NDRG2: variants seen among roughly 807,000 people sequenced by gnomAD.
NDRG2 encodes the protein protein NDRG2.
A neutral mutation model predicts 58.2 loss-of-function variants in NDRG2; 34 were observed. The ratio of observed to expected loss-of-function variants is 0.58; its 90% CI spans 0.44 to 0.78. NDRG2 has a LOEUF of 0.78. NDRG2 is among the 30% of genes least tolerant of loss of function. The pLI is 0.00. For missense variants in NDRG2, 434 were observed against 471.2 expected (o/e 0.92, Z 0.73); for synonymous variants, 187 against 175.9 (o/e 1.06, Z -0.50).
chr14:21,047,687 A>T (rs1885255633), intron 1 of NDRG2, among the ~76,000 whole-genome samples: 1 of 152,210 alleles, frequency 6.6e-6, no homozygotes, highest in Admixed American at 6.5e-5. Context: ...AGCTTTGCCC[A>T]GTCTTGTGCA....
chr14:21,039,432 G>GCT (rs1323384360), intron 1 of NDRG2, among the ~76,000 whole-genome samples: 4 of 152,034 alleles, frequency 2.6e-5, no homozygotes, highest in East Asian at 1.9e-4. Context: ...TTCTGCTCTT[G>GCT]CTCTCTCTCT....
chr14:21,032,808 C>A, intron 1 of NDRG2: 1 of 384,834 alleles, frequency 2.6e-6, no homozygotes, highest in South Asian at 2.0e-5. Flanking sequence ...TAAATCACAA[C>A]AGAGTCAGAT....
intron 1 of NDRG2, among the ~76,000 whole-genome samples, chr14:21,059,434 T>C (rs1299067830): frequency 6.6e-6 from 1 of 152,190 alleles, no homozygotes; most frequent in East Asian, 1.9e-4. Flanking sequence ...TAGATTCAAT[T>C]TATATAAAAT....
chr14:21,061,955 A>C (rs1432667980), intron 1 of NDRG2, among the ~76,000 whole-genome samples: 1 of 152,260 alleles, frequency 6.6e-6, no homozygotes, highest in African/African-American at 2.4e-5. Context: ...TTATAAGGAC[A>C]TGGAATATAT....
chr14:21,051,955 G>A lies in NDRG2; in HGVS notation c.24+18873C>T, dbSNP rs568266580. Among the ~76,000 whole-genome samples, 3 of 152,360 alleles carry A rather than the reference G, an allele frequency of 2.0e-5. No homozygotes were observed. In the South Asian group the frequency reaches 6.2e-4, roughly 32 times the overall value. On this transcript the variant is annotated intron_variant, in intron 1 of 14. Transcript: ENST00000403829. Reference sequence around the variant, plus strand: ...ATCCTGAAAGAATGGGTCTTTGGGAGATAGTTGCTTATTCTCTGCTCCCCT... The same window carrying A: ...ATCCTGAAAGAATGGGTCTTTGGGAAATAGTTGCTTATTCTCTGCTCCCCT...
chr14:21,023,904 C>T, intron 1 of NDRG2, 126 bp downstream of exon 1: 1 of 926,154 alleles, frequency 1.1e-6, no homozygotes, highest in Non-Finnish European at 1.3e-6. Flanking sequence ...GCCTCCCTTC[C>T]TCCCAAGACC....
chr14:21,038,354 G>C (rs1306982995), intron 1 of NDRG2, among the ~76,000 whole-genome samples: 1 of 152,190 alleles, frequency 6.6e-6, no homozygotes, highest in African/African-American at 2.4e-5. Flanking sequence ...TGTGGGAATT[G>C]ACAGTCTAAG....
chr14:21,069,791 T>A (rs1886535032), intron 1 of NDRG2, among the ~76,000 whole-genome samples: 1 of 152,030 alleles, frequency 6.6e-6, no homozygotes, highest in Non-Finnish European at 1.5e-5. Context: ...GGCCTGAAGG[T>A]CTCATTTGAG....
At chr14:21,026,286 A>C (rs1348485758), upstream of NDRG2, among the ~76,000 whole-genome samples, 1 of 151,790 alleles carries the variant, frequency 6.6e-6, no homozygotes, top group Non-Finnish European at 1.5e-5. Flanking sequence ...ACCTGACTGA[A>C]TTTCTCCCCA....
chr14:21,037,714 A>C (rs554063410), intron 1 of NDRG2, among the ~76,000 whole-genome samples: 1 of 152,386 alleles, frequency 6.6e-6, no homozygotes, highest in Admixed American at 6.5e-5. Flanking sequence ...TAAAAAAATG[A>C]TAAACATCTG....
intron 1 of NDRG2, among the ~76,000 whole-genome samples, chr14:21,058,908 C>A (rs34646592): frequency 2.6e-5 from 4 of 151,756 alleles, no homozygotes; most frequent in African/African-American, 9.7e-5. Flanking sequence ...GCTCCAATTC[C>A]AAGGCCCTGA....
At chr14:21,017,908 AG>A in intron 15 of NDRG2, 78 bp downstream of exon 15, 1 of 1,611,864 alleles carries the variant, frequency 6.2e-7, no homozygotes, top group Non-Finnish European at 8.5e-7. Flanking sequence ...CGGTGAGTCC[AG>A]GCATTCACCT....
intron 1 of NDRG2, among the ~76,000 whole-genome samples, chr14:21,056,882 C>T (rs1057069520): frequency 2.6e-5 from 4 of 152,178 alleles, no homozygotes; most frequent in Non-Finnish European, 4.4e-5. Flanking sequence ...CAGCCCTGAC[C>T]CTCTATCCTT....
chr14:21,046,849 A>G (rs928414542), intron 1 of NDRG2: 27 of 152,220 alleles, frequency 1.8e-4, no homozygotes, highest in African/African-American at 6.3e-4. Context: ...AATCATAAGG[A>G]AGAAAAAAAT....
intron 1 of NDRG2, among the ~76,000 whole-genome samples, chr14:21,046,207 G>A (rs2139121633): frequency 6.6e-6 from 1 of 152,128 alleles, no homozygotes; most frequent in Admixed American, 6.5e-5. Flanking sequence ...TACTACTTGT[G>A]GTGTTTATTA....
chr14:21,023,126 T>A, intron 2 of NDRG2, 115 bp downstream of exon 2: 1 of 960,784 alleles, frequency 1.0e-6, no homozygotes, highest in Non-Finnish European at 1.6e-6. Context: ...ACTAGGGTAG[T>A]GGTGAAGCAG....
Position 21,031,268 on chromosome 14 carries a change from C to A in NDRG2, c.25-7947G>T, listed in dbSNP as rs75127364. On this transcript the variant is annotated intron_variant, in intron 1 of 14. Coordinates refer to the NDRG2 transcript ENST00000403829. ...AACTGTGTGACTGTAGAGACAGGGC[C>A]GAAACAGACTTTAGAGATCATCTAG... is the stretch of plus-strand genomic sequence containing the variant. 12,053 of 1,433,200 alleles carry A rather than the reference C, an allele frequency of 8.4e-3. 665 individuals are homozygous for A. The African/African-American group carries it at 0.13, about 16-fold the overall frequency. 88.8% of individuals were successfully genotyped at this position (1,433,200 alleles called of 1,614,324 possible).
At chr14:21,061,271 A>G (rs921613980) in intron 1 of NDRG2, among the ~76,000 whole-genome samples, 4 of 152,214 alleles carry the variant, frequency 2.6e-5, no homozygotes, top group Non-Finnish European at 2.9e-5. Flanking sequence ...ACCATTCAAT[A>G]TCTGTAAGAG....
intron 15 of NDRG2, 111 bp from the exon 16 acceptor site, chr14:21,017,873 T>C: frequency 6.9e-6 from 11 of 1,601,574 alleles, no homozygotes; most frequent in Middle Eastern, 1.7e-4. Context: ...AGCCAGGGGA[T>C]CAACGAGCTC....
Sources: gnomAD v4.1 joint callset for allele counts (sites outside exome capture counted in the v4.1 genomes callset) on GRCh38, gnomAD v4.1.1 for gene constraint, MANE v1.5 for transcripts, NCBI Gene and HGNC (gene_info 2026-07-23, HGNC 2026-07-21) for gene names.